Variants in CHCHD3 observed in about 807,000 individuals in gnomAD.
CHCHD3 encodes the protein MICOS complex subunit MIC19.
Under a neutral mutation model 38.2 loss-of-function variants are expected in CHCHD3, and 20 were observed. The ratio of observed to expected loss-of-function variants is 0.52; its 90% CI spans 0.37 to 0.76. The LOEUF is 0.76. Ranked by LOEUF, CHCHD3 falls within the 30% of genes least tolerant of loss-of-function variation. CHCHD3 has a pLI of 0.00. For synonymous variants in CHCHD3, 82 were observed against 100.0 expected, an observed-to-expected ratio of 0.82 and a Z score of 1.07; for missense variants, 245 against 279.2, an observed-to-expected ratio of 0.88 and a Z score of 0.87.
chr7:132,879,754 TTTCTTTC>T (rs1809004525), intron 5 of CHCHD3, among the ~76,000 whole-genome samples: 1 of 142,720 alleles, frequency 7.0e-6, no homozygotes, highest in Non-Finnish European at 1.6e-5. Context: ...AAAGGTTTGC[TTTCTTTC>T]CAGAAGATGG....
chr7:133,076,934 G>C (rs1393805928), intron 1 of CHCHD3, among the ~76,000 whole-genome samples: 2 of 151,980 alleles, frequency 1.3e-5, no homozygotes, highest in Non-Finnish European at 2.9e-5. Context: ...TTTCTCTCTT[G>C]ATCCTCCTTC....
chr7:132,974,310 T>C (rs530971173), intron 4 of CHCHD3, among the ~76,000 whole-genome samples: 17 of 152,304 alleles, frequency 1.1e-4, no homozygotes, highest in African/African-American at 4.1e-4. Flanking sequence ...GTAATACTTT[T>C]AAAGACAACA....
At chr7:133,055,094 G>A (rs1814278427) in intron 2 of CHCHD3, among the ~76,000 whole-genome samples, 1 of 151,924 alleles carries the variant, frequency 6.6e-6, no homozygotes, top group Non-Finnish European at 1.5e-5. Flanking sequence ...GAAGGCTGAG[G>A]TGGGAGTATC....
chr7:132,877,807 T>C (rs1808950773), intron 5 of CHCHD3, among the ~76,000 whole-genome samples: 1 of 152,110 alleles, frequency 6.6e-6, no homozygotes. Context: ...AAGAAGCCAG[T>C]ACAAAATTTC....
chr7:133,030,950 C>G (rs116680587), intron 2 of CHCHD3, among the ~76,000 whole-genome samples: 2,665 of 152,238 alleles, frequency 0.018, 69 homozygotes, highest in African/African-American at 0.061. Flanking sequence ...GGATTCCTAA[C>G]AAATTTTTGT....
Position 133,035,330 on chromosome 7 carries a change from C to T in CHCHD3, c.170-10703G>A. 1 of 1,611,352 alleles carries T rather than the reference C, an allele frequency of 6.2e-7. No homozygotes were observed. The highest frequency in any genetic ancestry group is 8.5e-7 in the Non-Finnish European group (1 of 1,177,516). On this transcript the variant is annotated intron_variant, in intron 2 of 7. Transcript: ENST00000262570. The surrounding 1 kb of genome is among the most constrained non-coding windows in gnomAD (Gnocchi z 4.7). ...CCCCCAAGACAGCCCGGAACTGGGGCTGGTTAATGCAGGTGAGGAACCAGC... is the reference window on the plus strand; with the variant it reads ...CCCCCAAGACAGCCCGGAACTGGGGTTGGTTAATGCAGGTGAGGAACCAGC...
chr7:132,860,117 C>CA lies in CHCHD3; in HGVS notation c.454-21649dup, dbSNP rs1187974952. On this transcript the variant is annotated intron_variant, in intron 5 of 7. Transcript: ENST00000262570. ...AAAACCATGTCTACACAAAAAAATA[C>CA]AAAAAATTAGCCAGGGGTGATGGCG... 2.0e-5 allele frequency among the ~76,000 whole-genome samples: 3 copies of CA among 151,882 alleles called. No individual in the cohort carries two copies. In the East Asian group the frequency reaches 5.8e-4, roughly 29 times the overall value.
At chr7:132,913,555 TG>T (rs1810018929) in intron 4 of CHCHD3, among the ~76,000 whole-genome samples, 1 of 152,212 alleles carries the variant, frequency 6.6e-6, no homozygotes, top group Non-Finnish European at 1.5e-5. Context: ...CAAGAGTACC[TG>T]AACAGTCTTC....
intron 2 of CHCHD3, among the ~76,000 whole-genome samples, chr7:133,033,660 T>C (rs1159775028): frequency 9.8e-5 from 15 of 152,306 alleles, no homozygotes; most frequent in Admixed American, 8.5e-4. Flanking sequence ...TTCAAACAGA[T>C]AAACATTTGG....
intron 4 of CHCHD3, among the ~76,000 whole-genome samples, chr7:132,939,158 A>G (rs1339200331): frequency 2.0e-5 from 3 of 152,182 alleles, no homozygotes; most frequent in South Asian, 4.1e-4. Flanking sequence ...AACATTTCCT[A>G]TCACACAGTA....
At chr7:132,926,626 A>G (rs548334834) in intron 4 of CHCHD3, among the ~76,000 whole-genome samples, 1 of 152,268 alleles carries the variant, frequency 6.6e-6, no homozygotes, top group South Asian at 2.1e-4. Context: ...TGGTATCTGC[A>G]GAGGATTGGT....
intron 3 of CHCHD3, among the ~76,000 whole-genome samples, chr7:133,012,793 AG>A (rs1413631586): frequency 1.2e-5 from 1 of 85,110 alleles, no homozygotes; most frequent in African/African-American, 4.6e-5. Flanking sequence ...AGGAGAGGGG[AG>A]GGGAGGGGAG....
chr7:132,945,848 G>C (rs1370294581), intron 4 of CHCHD3, among the ~76,000 whole-genome samples: 2 of 151,820 alleles, frequency 1.3e-5, no homozygotes, highest in East Asian at 3.9e-4. Flanking sequence ...TCTTCCTAAA[G>C]ATTGTTCAAT....
chr7:132,926,565 A>T (rs940478222), intron 4 of CHCHD3, among the ~76,000 whole-genome samples: 1 of 152,180 alleles, frequency 6.6e-6, no homozygotes, highest in Non-Finnish European at 1.5e-5. Flanking sequence ...AAATGAGATA[A>T]TGTACATATT....
intron 3 of CHCHD3, among the ~76,000 whole-genome samples, chr7:133,007,961 T>C (rs1469112408): frequency 2.0e-5 from 3 of 152,240 alleles, no homozygotes; most frequent in African/African-American, 7.2e-5. Flanking sequence ...AGGATAACCT[T>C]TCCAGGTATG....
intron 6 of CHCHD3, among the ~76,000 whole-genome samples, chr7:132,812,774 T>C (rs1807104670): frequency 6.6e-6 from 1 of 152,194 alleles, no homozygotes; most frequent in South Asian, 2.1e-4. Flanking sequence ...AAAATAGTGA[T>C]TATGACCTAC....
intron 3 of CHCHD3, among the ~76,000 whole-genome samples, chr7:132,975,964 G>A (rs1003792034): frequency 2.8e-4 from 42 of 148,188 alleles, no homozygotes; most frequent in African/African-American, 1.0e-3. Context: ...ACAAATATTT[G>A]AAGGTAACCA....
intron 4 of CHCHD3, among the ~76,000 whole-genome samples, chr7:132,961,570 T>C (rs953212650): frequency 1.3e-5 from 2 of 152,196 alleles, no homozygotes; most frequent in African/African-American, 4.8e-5. Context: ...AATTAACACA[T>C]CTATCATCTC....
intron 3 of CHCHD3, among the ~76,000 whole-genome samples, chr7:132,980,570 A>G (rs564382879): frequency 2.6e-5 from 4 of 152,222 alleles, no homozygotes; most frequent in Non-Finnish European, 5.9e-5. Flanking sequence ...GTAATTGGAT[A>G]GCTTGCCTAA....
Sources: allele counts gnomAD v4.1 joint callset (sites outside exome capture counted in the v4.1 genomes callset), GRCh38; gene constraint gnomAD v4.1.1; non-coding constraint Gnocchi (gnomAD v3.1); transcripts MANE v1.5; gene names NCBI Gene and HGNC (gene_info 2026-07-23, HGNC 2026-07-21).